ETV5: variants seen among roughly 807,000 people sequenced by gnomAD.
ETV5 encodes ETS translocation variant 5.
ETV5 carries 10 observed loss-of-function variants against 70.0 expected under a neutral mutation model. The ratio of observed to expected loss-of-function variants is 0.14; its 90% CI spans 0.09 to 0.24. ETV5 has a LOEUF of 0.24. Ranked by LOEUF, ETV5 falls within the 10% of genes least tolerant of loss-of-function variation. The pLI is 1.00. For missense variants in ETV5, 453 were observed against 651.2 expected, an observed-to-expected ratio of 0.70 and a Z score of 3.31; for synonymous variants, 216 against 242.2, an observed-to-expected ratio of 0.89 and a Z score of 1.01.
intron 9 of ETV5, among the ~76,000 whole-genome samples, chr3:186,058,054 A>C (rs1324406402): frequency 2.0e-5 from 3 of 152,256 alleles, no homozygotes; most frequent in Non-Finnish European, 2.9e-5. Context: ...TATTATTACC[A>C]AACAGTGGAG....
intron 1 of ETV5, chr3:186,108,482 C>T: frequency 4.7e-6 from 6 of 1,278,176 alleles, no homozygotes; most frequent in Non-Finnish European, 6.1e-6. Context: ...CCTCCCGGTG[C>T]TCTGGGGGGC....
chr3:186,067,934 A>C (rs1270076941), intron 7 of ETV5, among the ~76,000 whole-genome samples: 2 of 152,236 alleles, frequency 1.3e-5, no homozygotes, highest in African/African-American at 2.4e-5. Context: ...CAAAAGATGA[A>C]TATCTCAAGA....
rs144064940 is a variant in ETV5 at position 186,052,039 on chromosome 3, G to A, written c.1302C>T (p.Ile434=). The A allele has an allele frequency of 1.5e-4, 242 of 1,613,566 alleles. No individual in the cohort carries two copies. The highest frequency in any genetic ancestry group is 2.0e-4 in the Non-Finnish European group (232 of 1,179,716). The part of the protein sequence containing the change: ...RSLRYYYEKG[I]MQKVAGERYV... ...TTGTATAATGGCTCACCTTCTGCAT[G>A]ATGCCCTTTTCATAGTAATAGCGGA... The change falls in exon 12 of 13, where the codon ATC becomes ATT. Residue 434 remains isoleucine (I), a synonymous_variant. Coordinates refer to ENST00000306376, the MANE Select transcript of ETV5 (RefSeq NM_004454.3). This position sits in a 1 kb window ranked among gnomAD's most constrained non-coding sequence, Gnocchi z 4.5.
At chr3:186,072,534 G>T (rs952193601) in intron 7 of ETV5, among the ~76,000 whole-genome samples, 1 of 152,130 alleles carries the variant, frequency 6.6e-6, no homozygotes, top group African/African-American at 2.4e-5. Flanking sequence ...TTTATTGGAG[G>T]TGGCAATGTG....
Position 186,054,415 on chromosome 3 carries a change from C to T in ETV5, c.1210-2284G>A, listed in dbSNP as rs1713107681. ...TAGCAGCCCATCCCTTCAAACCTCC[C>T]AGCAGCAGTTATCTGCCACATGTTC... On this transcript the variant is annotated intron_variant, in intron 11 of 12. Transcript: ENST00000306376. The surrounding 1 kb of genome is among the most constrained non-coding windows in gnomAD (Gnocchi z 4.4). Among the ~76,000 whole-genome samples the T allele has an allele frequency of 1.3e-5, 2 of 152,160 alleles. No homozygotes were observed. Among genetic ancestry groups the T allele is most frequent in the Non-Finnish European group, 2.9e-5 (2 of 68,026 alleles).
chr3:186,106,031 C>T lies in ETV5; in HGVS notation c.-74-89G>A, dbSNP rs1578565385. The T allele has an allele frequency of 3.4e-6, 3 of 886,176 alleles. No homozygotes were observed. In the African/African-American group the frequency reaches 5.1e-5, roughly 15 times the overall value. The allele number at this position is 886,176 out of a possible 1,614,324, so 54.9% of individuals were successfully genotyped here. The stretch of plus-strand genomic sequence containing the variant: ...GACTGCCTTTTTTTTAGGGCCTGTG[C>T]AAAATTATTACCCTTCTGTGAAGTA... On this transcript the variant is annotated intron_variant, in intron 1 of 12. Coordinates refer to ENST00000306376, the MANE Select transcript of ETV5 (RefSeq NM_004454.3).
At chr3:186,058,147 A>C (rs1713212191) in intron 9 of ETV5, among the ~76,000 whole-genome samples, 1 of 151,844 alleles carries the variant, frequency 6.6e-6, no homozygotes, top group African/African-American at 2.4e-5. Flanking sequence ...CTGGCCCAAC[A>C]ACACATGCAA....
chr3:186,089,599 A>C (rs1349663817), intron 5 of ETV5, among the ~76,000 whole-genome samples: 1 of 152,222 alleles, frequency 6.6e-6, no homozygotes, highest in Non-Finnish European at 1.5e-5. Context: ...TGAGAGAATC[A>C]ACAATATTAG....
chr3:186,079,846 C>T lies in ETV5; in HGVS notation c.621G>A (p.Met207Ile). The change falls in exon 7 of 13, where the codon ATG becomes ATA. Residue 207 changes from methionine (M) to isoleucine (I), a missense_variant. By Grantham distance (10) the Met-to-Ile change is conservative. Coordinates refer to ENST00000306376, the MANE Select transcript of ETV5 (RefSeq NM_004454.3). The stretch of plus-strand genomic sequence containing the variant: ...GTTCTGATGGATACTGGTTTTCAGG[C>T]ATCATCTTTGGCATCTGCAGGGGCT... ...PHQPLQMPKM[M>I]PENQYPSEQR... 6.2e-7 allele frequency: 1 copy of T among 1,608,300 alleles called. No individual in the cohort carries two copies. The highest frequency in any genetic ancestry group is 8.5e-7 in the Non-Finnish European group (1 of 1,177,628).
chr3:186,065,682 C>T (rs1450800486), intron 8 of ETV5, 131 bp downstream of exon 8: 7 of 1,092,608 alleles, frequency 6.4e-6, no homozygotes, highest in Non-Finnish European at 9.0e-6. Flanking sequence ...TATTTGAGGG[C>T]AATTCTTATA....
chr3:186,067,456 A>G (rs1000786133), intron 7 of ETV5, among the ~76,000 whole-genome samples: 4 of 152,074 alleles, frequency 2.6e-5, no homozygotes, highest in African/African-American at 9.7e-5. Context: ...AAAAAAACCT[A>G]AAAAAATTAG....
intron 7 of ETV5, among the ~76,000 whole-genome samples, chr3:186,075,035 T>TA (rs1453639633): frequency 2.4e-4 from 36 of 152,298 alleles, no homozygotes; most frequent in Admixed American, 1.9e-3. Flanking sequence ...CTGTTCATGT[T>TA]AAAAAACTTT....
chr3:186,108,720 T>G (rs1047426948), intron 1 of ETV5: 101 of 1,095,614 alleles, frequency 9.2e-5, no homozygotes, highest in Non-Finnish European at 1.0e-4. Flanking sequence ...CTCCCCGCGC[T>G]CCGGAACCGT....
chr3:186,062,138 A>G (rs115013382), intron 9 of ETV5, among the ~76,000 whole-genome samples: 35 of 152,368 alleles, frequency 2.3e-4, no homozygotes, highest in African/African-American at 8.2e-4. Context: ...AGCTAAAAGC[A>G]TCCCCATGCA....
At chr3:186,095,753 C>T (rs890756678) in intron 5 of ETV5, among the ~76,000 whole-genome samples, 2 of 152,218 alleles carry the variant, frequency 1.3e-5, no homozygotes, top group Non-Finnish European at 2.9e-5. Flanking sequence ...GAGAAATAGC[C>T]CTAACTAGCT....
Position 186,080,898 on chromosome 3 carries a change from C to T in ETV5, c.362+148G>A, listed in dbSNP as rs569034962. 1.2e-5 allele frequency: 11 copies of T among 923,866 alleles called. No homozygotes were observed. The African/African-American group carries it at 1.3e-4, about 11-fold the overall frequency. 57.2% of individuals were successfully genotyped at this position (923,866 alleles called of 1,614,324 possible). On this transcript the variant is annotated intron_variant, in intron 6 of 12. Transcript: ENST00000306376. The stretch of plus-strand genomic sequence containing the variant: ...CAATGATCCCAAGGGGACTGGACTA[C>T]ACCCGGAGGATGACACTGCCATGAA...
At chr3:186,078,973 C>G in intron 7 of ETV5, 2 of 816,516 alleles carry the variant, frequency 2.4e-6, no homozygotes, top group Non-Finnish European at 3.1e-6. Flanking sequence ...TTCCCACTCC[C>G]GCCCCATTGT....
intron 5 of ETV5, chr3:186,095,202 G>T (rs1180808098): frequency 6.6e-6 from 1 of 152,190 alleles, no homozygotes; most frequent in Non-Finnish European, 1.5e-5. Context: ...CATTAGAGAT[G>T]ACAGGGCGGC....
intron 9 of ETV5, among the ~76,000 whole-genome samples, chr3:186,061,488 C>T (rs1272354732): frequency 6.6e-6 from 1 of 152,150 alleles, no homozygotes; most frequent in Non-Finnish European, 1.5e-5. Context: ...TGGGATGGGT[C>T]CTGAGAATGT....
Sources: gnomAD v4.1 joint callset for allele counts (sites outside exome capture counted in the v4.1 genomes callset) on GRCh38, gnomAD v4.1.1 for gene constraint, Gnocchi (gnomAD v3.1) non-coding constraint, MANE v1.5 for transcripts, NCBI Gene and HGNC (gene_info 2026-07-23, HGNC 2026-07-21) for gene names.